SEMA3A: variants seen among roughly 807,000 people sequenced by gnomAD.
SEMA3A encodes semaphorin 3A.
In SEMA3A, 29 loss-of-function variants were observed where a neutral mutation model predicts 97.9. The observed-to-expected ratio is 0.30, with a 90% CI of 0.22 to 0.40. The LOEUF is 0.40. Among genes scored for constraint, SEMA3A ranks in the 10% least tolerant of loss-of-function variants. SEMA3A has a pLI of 1.00. For missense variants in SEMA3A, 763 were observed against 951.3 expected (o/e 0.80, Z 2.60); for synonymous variants, 321 against 323.7 (o/e 0.99, Z 0.09).
chr7:84,108,702 C>A (rs186046424), intron 4 of SEMA3A, among the ~76,000 whole-genome samples: 1 of 152,012 alleles, frequency 6.6e-6, no homozygotes, highest in East Asian at 1.9e-4. Flanking sequence ...GCTAGGAGTT[C>A]GAGACCAGCC....
At chr7:84,395,044 A>T (rs1286554282) in intron 1 of SEMA3A, among the ~76,000 whole-genome samples, 1 of 152,126 alleles carries the variant, frequency 6.6e-6, no homozygotes, top group Admixed American at 6.6e-5. Context: ...AGTAAGGGAT[A>T]AGATAGGAGA....
At chr7:84,088,012 G>A (rs1273485474) in intron 4 of SEMA3A, among the ~76,000 whole-genome samples, 1 of 152,046 alleles carries the variant, frequency 6.6e-6, no homozygotes, top group Admixed American at 6.6e-5. Context: ...GTAGCACTTT[G>A]TAAGTAACTG....
intron 3 of SEMA3A, among the ~76,000 whole-genome samples, chr7:84,223,531 A>G (rs538386544): frequency 6.6e-6 from 1 of 151,982 alleles, no homozygotes; most frequent in East Asian, 1.9e-4. Flanking sequence ...GCATATAATT[A>G]CATACAGAAA....
At chr7:84,241,250 C>T (rs149766679) in intron 3 of SEMA3A, among the ~76,000 whole-genome samples, 12,071 of 152,200 alleles carry the variant, frequency 0.079, 653 homozygotes, top group East Asian at 0.29. Context: ...TATTTCTCTA[C>T]ATCTTCTCCA....
At chr7:84,241,571 T>C (rs1417694343) in intron 3 of SEMA3A, among the ~76,000 whole-genome samples, 1 of 152,172 alleles carries the variant, frequency 6.6e-6, no homozygotes, top group Non-Finnish European at 1.5e-5. Flanking sequence ...CTCACTCTGA[T>C]GATAGTTTTT....
chr7:84,230,807 T>C (rs1799100032), intron 3 of SEMA3A, among the ~76,000 whole-genome samples: 1 of 151,972 alleles, frequency 6.6e-6, no homozygotes, highest in Non-Finnish European at 1.5e-5. Context: ...TTACACAATG[T>C]TTTTAATGCC....
At chr7:84,461,997 A>G (rs1042753731) in intron 1 of SEMA3A, among the ~76,000 whole-genome samples, 1 of 152,106 alleles carries the variant, frequency 6.6e-6, no homozygotes, top group African/African-American at 2.4e-5. Flanking sequence ...AGTCTTTTGA[A>G]CATCTCTTTT....
chr7:84,171,382 T>C (rs1011594637), intron 1 of SEMA3A, among the ~76,000 whole-genome samples: 9 of 152,096 alleles, frequency 5.9e-5, no homozygotes, highest in African/African-American at 1.9e-4. Flanking sequence ...GCAATTTCAG[T>C]GTTCAAACTG....
At position 84,391,959 on chromosome 7, in the gene SEMA3A, CAA is replaced by C. The variant is rs34411145; in HGVS notation, c.-245-20061_-245-20060del. Among the ~76,000 whole-genome samples, 12 of 144,152 alleles carry C rather than the reference CAA, an allele frequency of 8.3e-5. No individual in the cohort carries two copies. The East Asian group carries it at 1.1e-3, about 13-fold the overall frequency. The allele number at this position is 144,152 out of a possible 152,430, so 94.6% of individuals were successfully genotyped here. On this transcript the variant is annotated intron_variant, in intron 1 of 3. Coordinates refer to the SEMA3A transcript ENST00000424555. ...TGAGAAACAGAGTGAGACCCTGTCT[CAA>C]AAAAAAAAAAATCTATTGAAAAATT...
chr7:84,097,712 T>C (rs1794820372), intron 4 of SEMA3A, among the ~76,000 whole-genome samples: 2 of 152,192 alleles, frequency 1.3e-5, no homozygotes, highest in African/African-American at 4.8e-5. Flanking sequence ...GTATAAATCT[T>C]AAAGCTGTAT....
At chr7:84,435,647 C>T (rs547489395) in intron 1 of SEMA3A, among the ~76,000 whole-genome samples, 2 of 152,166 alleles carry the variant, frequency 1.3e-5, no homozygotes, top group South Asian at 4.1e-4. Flanking sequence ...AGGAGAACTA[C>T]AAAACACTGA....
At chr7:84,166,727 T>C (rs1358584512) in intron 1 of SEMA3A, among the ~76,000 whole-genome samples, 5 of 150,706 alleles carry the variant, frequency 3.3e-5, no homozygotes, top group Admixed American at 2.6e-4. Flanking sequence ...AAAAAAAAAT[T>C]AGCTGGGCGC....
intron 4 of SEMA3A, among the ~76,000 whole-genome samples, chr7:84,103,854 G>A (rs918530843): frequency 1.9e-4 from 29 of 152,044 alleles, no homozygotes; most frequent in African/African-American, 7.0e-4. Flanking sequence ...GGGATTTAGT[G>A]TTATTTTTCA....
chr7:84,385,446 G>A (rs1356378050), intron 1 of SEMA3A, among the ~76,000 whole-genome samples: 1 of 152,142 alleles, frequency 6.6e-6, no homozygotes, highest in Non-Finnish European at 1.5e-5. Context: ...TTTTAAATCT[G>A]TAACAATCTT....
Position 84,011,078 on chromosome 7 carries a change from T to C in SEMA3A, c.939A>G (p.Leu313=), listed in dbSNP as rs35078268. 6.6e-5 allele frequency: 107 copies of C among 1,612,286 alleles called. No individual in the cohort carries two copies. In the African/African-American group the frequency reaches 1.1e-3, roughly 17 times the overall value. Residue 313 remains leucine, a synonymous_variant, in exon 9 of 17, where the codon CTA becomes CTG. Coordinates refer to ENST00000265362, the MANE Select transcript of SEMA3A (RefSeq NM_006080.3). ...THFDELQDVF[L]MNFKDPKNPV... ...GATTTTTAGGATCTTTAAAGTTCAT[T>C]AGGAATACATCCTCTGTTTAAAAAC...
intron 1 of SEMA3A, among the ~76,000 whole-genome samples, chr7:84,424,972 A>T (rs1474426177): frequency 1.4e-4 from 14 of 102,776 alleles, no homozygotes; most frequent in East Asian, 3.2e-4. Flanking sequence ...TAATTTATAT[A>T]TTTATAATTT....
intron 1 of SEMA3A, among the ~76,000 whole-genome samples, chr7:84,158,666 C>A (rs1434319864): frequency 1.3e-5 from 2 of 152,076 alleles, no homozygotes; most frequent in African/African-American, 2.4e-5. Flanking sequence ...TGCTTCCTTG[C>A]ACAGCCTGTA....
chr7:84,155,707 A>T (rs1318891035), intron 1 of SEMA3A, among the ~76,000 whole-genome samples: 1 of 152,168 alleles, frequency 6.6e-6, no homozygotes, highest in African/African-American at 2.4e-5. Context: ...ACAGAATTTA[A>T]AGTATGTATT....
At chr7:84,329,863 T>C (rs994711297) in intron 2 of SEMA3A, among the ~76,000 whole-genome samples, 1 of 152,074 alleles carries the variant, frequency 6.6e-6, no homozygotes, top group Non-Finnish European at 1.5e-5. Flanking sequence ...GGGGTCTCTC[T>C]GGCCTTGAAA....
Sources: gnomAD v4.1 joint callset for allele counts (sites outside exome capture counted in the v4.1 genomes callset) on GRCh38, gnomAD v4.1.1 for gene constraint, MANE v1.5 for transcripts, NCBI Gene and HGNC (gene_info 2026-07-23, HGNC 2026-07-21) for gene names.